NRXN1: variants seen among roughly 807,000 people sequenced by gnomAD.
NRXN1 encodes the protein neurexin 1.
A neutral mutation model predicts 150.9 loss-of-function variants in NRXN1; 39 were observed. The ratio of observed to expected loss-of-function variants is 0.26; its 90% CI spans 0.20 to 0.34. NRXN1 has a LOEUF of 0.34. NRXN1 is among the 10% of genes least tolerant of loss of function. The pLI is 1.00. For synonymous variants in NRXN1, 924 were observed against 757.0 expected, an observed-to-expected ratio of 1.22 and a Z score of -3.62; for missense variants, 1,815 against 1,949.9, an observed-to-expected ratio of 0.93 and a Z score of 1.30.
chr2:50,716,152 G>A (rs1695842855), intron 5 of NRXN1, among the ~76,000 whole-genome samples: 1 of 152,144 alleles, frequency 6.6e-6, no homozygotes, highest in Non-Finnish European at 1.5e-5. Context: ...GCAACAGGAA[G>A]ATGTTTTCAA....
intron 5 of NRXN1, among the ~76,000 whole-genome samples, chr2:50,907,275 T>C (rs949185360): frequency 6.6e-6 from 1 of 152,012 alleles, no homozygotes; most frequent in Non-Finnish European, 1.5e-5. Context: ...TCCAATCACA[T>C]TTCTACATGG....
chr2:50,352,779 T>TATAATAATA lies in NRXN1; in HGVS notation c.3364+112654_3364+112662dup, dbSNP rs987086972. Among the ~76,000 whole-genome samples, 40 of 94,344 alleles carry TATAATAATA rather than the reference T, an allele frequency of 4.2e-4. No homozygotes were observed. In the South Asian group the frequency reaches 0.013, roughly 32 times the overall value. 61.9% of individuals were successfully genotyped at this position (94,344 alleles called of 152,430 possible). On this transcript the variant is annotated intron_variant, in intron 17 of 22. Coordinates refer to ENST00000401669, the MANE Select transcript of NRXN1 (RefSeq NM_001330078.2). Reference sequence around the variant, plus strand: ...ATAATAATAATAATAATAATAATATTATAATAATAATAATAATAATAATAA... The same window carrying TATAATAATA: ...ATAATAATAATAATAATAATAATATTATAATAATAATAATAATAATAATAATAATAATAA...
intron 17 of NRXN1, among the ~76,000 whole-genome samples, chr2:50,340,734 C>T (rs533824854): frequency 3.9e-5 from 6 of 152,070 alleles, no homozygotes; most frequent in African/African-American, 1.4e-4. Flanking sequence ...GAGAGAGAAA[C>T]AGAGAAAAAC....
intron 2 of NRXN1, among the ~76,000 whole-genome samples, chr2:50,983,677 T>C (rs1346188271): frequency 6.6e-6 from 1 of 152,126 alleles, no homozygotes; most frequent in Non-Finnish European, 1.5e-5. Flanking sequence ...AAAATGTTTG[T>C]AAAAGGCAAA....
intron 21 of NRXN1, among the ~76,000 whole-genome samples, chr2:50,006,972 G>A (rs1684872598): frequency 6.6e-6 from 1 of 152,246 alleles, no homozygotes; most frequent in African/African-American, 2.4e-5. Context: ...GAAGATGACT[G>A]AAGGAAATGC....
chr2:50,259,556 T>A (rs1042546884), intron 17 of NRXN1, among the ~76,000 whole-genome samples: 1 of 151,838 alleles, frequency 6.6e-6, no homozygotes, highest in African/African-American at 2.4e-5. Context: ...TAAGAAGACA[T>A]CTTCAAATGA....
At chr2:50,775,176 C>T (rs569075656) in intron 5 of NRXN1, among the ~76,000 whole-genome samples, 1 of 152,248 alleles carries the variant, frequency 6.6e-6, no homozygotes, top group South Asian at 2.1e-4. Flanking sequence ...GCATTTCAAT[C>T]TCCATCCAGG....
chr2:50,314,575 A>G (rs922911736), intron 17 of NRXN1, among the ~76,000 whole-genome samples: 11 of 151,616 alleles, frequency 7.3e-5, no homozygotes, highest in African/African-American at 2.7e-4. Context: ...TTCTGAGTTT[A>G]TTTTTTAAAT....
intron 17 of NRXN1, among the ~76,000 whole-genome samples, chr2:50,296,225 C>T (rs1452608715): frequency 1.3e-5 from 2 of 152,184 alleles, no homozygotes; most frequent in Non-Finnish European, 2.9e-5. Context: ...ATACAGTATT[C>T]TAAGCCTTTG....
At chr2:50,818,218 G>T (rs1215049410) in intron 5 of NRXN1, among the ~76,000 whole-genome samples, 2 of 141,920 alleles carry the variant, frequency 1.4e-5, no homozygotes, top group East Asian at 2.1e-4. Flanking sequence ...CTGAAAAAAA[G>T]ATATTAATAG....
chr2:50,526,701 G>A (rs2092961292), intron 12 of NRXN1: 1 of 152,140 alleles, frequency 6.6e-6, no homozygotes. Flanking sequence ...AAATGAAAAT[G>A]TTACCTGTTC....
At chr2:50,978,298 AT>A (rs1558524458) in intron 2 of NRXN1, among the ~76,000 whole-genome samples, 13 of 129,708 alleles carry the variant, frequency 1.0e-4, no homozygotes, top group African/African-American at 3.3e-4. Context: ...ATATATATAT[AT>A]ATATATAAAA....
chr2:49,931,045 C>T (rs1333690522), intron 22 of NRXN1, among the ~76,000 whole-genome samples: 1 of 152,094 alleles, frequency 6.6e-6, no homozygotes, highest in Middle Eastern at 3.2e-3. Flanking sequence ...GGTGGGAGGA[C>T]CATTTGAGCC....
chr2:49,931,033 G>T (rs138555326), intron 22 of NRXN1, among the ~76,000 whole-genome samples: 1 of 152,184 alleles, frequency 6.6e-6, no homozygotes, highest in African/African-American at 2.4e-5. Flanking sequence ...ACTCGAGTCC[G>T]AGGTGGGAGG....
At chr2:50,168,974 C>T (rs2059851949) in intron 18 of NRXN1, among the ~76,000 whole-genome samples, 1 of 152,164 alleles carries the variant, frequency 6.6e-6, no homozygotes, top group Non-Finnish European at 1.5e-5. Flanking sequence ...TATTGTTTGC[C>T]AGAAACATCT....
chr2:50,443,885 T>C (rs2086178774), intron 17 of NRXN1, among the ~76,000 whole-genome samples: 1 of 152,186 alleles, frequency 6.6e-6, no homozygotes, highest in Non-Finnish European at 1.5e-5. Context: ...GTCTTATAGA[T>C]TGCCATTTGG....
intron 2 of NRXN1, among the ~76,000 whole-genome samples, chr2:51,025,467 G>C (rs1222459725): frequency 6.6e-6 from 1 of 151,958 alleles, no homozygotes; most frequent in Non-Finnish European, 1.5e-5. Context: ...AAAATGCATA[G>C]AAAAATAAAA....
chr2:50,316,859 C>G (rs894476451), intron 17 of NRXN1, among the ~76,000 whole-genome samples: 1 of 151,850 alleles, frequency 6.6e-6, no homozygotes, highest in African/African-American at 2.4e-5. Flanking sequence ...CTAAGGTGAA[C>G]TGAAAGCAGT....
At chr2:50,019,661 AG>A (rs1237351954) in intron 21 of NRXN1, among the ~76,000 whole-genome samples, 1 of 107,514 alleles carries the variant, frequency 9.3e-6, no homozygotes, top group Non-Finnish European at 1.9e-5. Context: ...AAAAAAAAAA[AG>A]GAGGCTGGGC....
Sources: allele counts gnomAD v4.1 joint callset (sites outside exome capture counted in the v4.1 genomes callset), GRCh38; gene constraint gnomAD v4.1.1; transcripts MANE v1.5; gene names NCBI Gene and HGNC (gene_info 2026-07-23, HGNC 2026-07-21).